TBC1D5: variants seen among roughly 807,000 people sequenced by gnomAD.
TBC1D5 encodes the protein TBC1 domain family, member 5.
A neutral mutation model predicts 100.3 loss-of-function variants in TBC1D5; 75 were observed. The ratio of observed to expected loss-of-function variants is 0.75; its 90% CI spans 0.62 to 0.91. The LOEUF is 0.91. Among genes scored for constraint, TBC1D5 ranks in the 40% least tolerant of loss-of-function variants. The probability of loss-of-function intolerance (pLI) is 0.00; values close to 1 mark genes in which losing one functional copy is unlikely to be tolerated. For synonymous variants in TBC1D5, 323 were observed against 325.6 expected (o/e 0.99, Z 0.09); for missense variants, 910 against 942.4 (o/e 0.97, Z 0.45).
In TBC1D5 at chr3:17,648,747, T is replaced by C. The variant is rs1311268521; in HGVS notation, c.-100-24834A>G. ...GAAAAAAGCTCAGTATCACTGATCATTAGAGAAATGCAGATCAAAACCACA... is the reference window on the plus strand; with the variant it reads ...GAAAAAAGCTCAGTATCACTGATCACTAGAGAAATGCAGATCAAAACCACA... On this transcript the variant is annotated intron_variant, in intron 1 of 21. Coordinates refer to ENST00000253692, the Ensembl canonical transcript of TBC1D5. Among the ~76,000 whole-genome samples, 6 of 152,130 alleles carry C rather than the reference T, an allele frequency of 3.9e-5. No individual in the cohort carries two copies. In the South Asian group the frequency reaches 1.0e-3, roughly 26 times the overall value.
intron 19 of TBC1D5, among the ~76,000 whole-genome samples, chr3:17,178,076 T>G (rs2067997306): frequency 6.7e-6 from 1 of 150,274 alleles, no homozygotes; most frequent in South Asian, 2.1e-4. Context: ...CTTTTTTTTT[T>G]TTTTTTTGAG....
intron 1 of TBC1D5, among the ~76,000 whole-genome samples, chr3:17,729,967 C>A (rs992164122): frequency 6.6e-6 from 1 of 150,812 alleles, no homozygotes; most frequent in African/African-American, 2.4e-5. Context: ...AAAAATTAGT[C>A]GGGCGTGGTG....
At chr3:17,694,337 T>C (rs148438819) in intron 1 of TBC1D5, among the ~76,000 whole-genome samples, 3 of 152,252 alleles carry the variant, frequency 2.0e-5, no homozygotes, top group Non-Finnish European at 4.4e-5. Flanking sequence ...GCAAGGAAGC[T>C]AAAAACCTTG....
intron 1 of TBC1D5, among the ~76,000 whole-genome samples, chr3:17,689,574 A>G (rs1284570662): frequency 2.6e-5 from 4 of 152,030 alleles, no homozygotes; most frequent in African/African-American, 4.8e-5. Context: ...AGGGGAATTC[A>G]TAACAAAATG....
intron 1 of TBC1D5, among the ~76,000 whole-genome samples, chr3:17,669,436 AAAATT>A (rs1213538680): frequency 1.3e-5 from 2 of 152,238 alleles, no homozygotes; most frequent in Admixed American, 1.3e-4. Flanking sequence ...TACAAAATAC[AAAATT>A]AAATCTTCAA....
At chr3:17,279,165 C>A (rs554603963) in intron 15 of TBC1D5, among the ~76,000 whole-genome samples, 111 of 152,302 alleles carry the variant, frequency 7.3e-4, no homozygotes, top group South Asian at 1.9e-3. Context: ...AAACTTGAAG[C>A]ACACATTTTT....
At chr3:17,514,977 A>T (rs73153089) in intron 2 of TBC1D5, among the ~76,000 whole-genome samples, 10,429 of 151,362 alleles carry the variant, frequency 0.069, 707 homozygotes, top group African/African-American at 0.18. Flanking sequence ...TTTTATATAG[A>T]TATTACCTCT....
intron 3 of TBC1D5, among the ~76,000 whole-genome samples, chr3:17,437,622 T>TAGAGAGAGAG (rs58492511): frequency 8.7e-5 from 10 of 115,350 alleles, no homozygotes; most frequent in South Asian, 3.1e-4. Flanking sequence ...GAGACAGAGG[T>TAGAGAGAGAG]AGAGAGAGAG....
chr3:17,370,850 C>T (rs2092414619), intron 13 of TBC1D5, among the ~76,000 whole-genome samples: 1 of 152,048 alleles, frequency 6.6e-6, no homozygotes, highest in South Asian at 2.1e-4. Context: ...ACTAAGTACA[C>T]CTCAATAAAA....
chr3:17,455,450 A>G (rs534406284), intron 3 of TBC1D5, among the ~76,000 whole-genome samples: 41 of 141,364 alleles, frequency 2.9e-4, no homozygotes, highest in South Asian at 4.6e-4. Flanking sequence ...GTATATATAT[A>G]TGTGTGTGTA....
At chr3:17,214,470 T>C in intron 17 of TBC1D5, 100 bp from the exon 19 acceptor site, 1 of 1,235,174 alleles carries the variant, frequency 8.1e-7, no homozygotes, top group Non-Finnish European at 1.1e-6. Flanking sequence ...ATGATGCCAC[T>C]AGGTTGATAC....
chr3:17,292,738 T>C (rs948552583), intron 14 of TBC1D5, among the ~76,000 whole-genome samples: 2 of 152,174 alleles, frequency 1.3e-5, no homozygotes, highest in African/African-American at 4.8e-5. Context: ...GCTGTCAGAG[T>C]CAGGCCCATT....
chr3:17,590,294 T>C (rs1296528109), intron 2 of TBC1D5, among the ~76,000 whole-genome samples: 7 of 152,184 alleles, frequency 4.6e-5, no homozygotes, highest in Admixed American at 2.0e-4. Flanking sequence ...AATTTATTGA[T>C]TTGGGCCCAC....
At chr3:17,379,456 G>GT (rs1470620174) in intron 9 of TBC1D5, among the ~76,000 whole-genome samples, 1 of 151,922 alleles carries the variant, frequency 6.6e-6, no homozygotes, top group African/African-American at 2.4e-5. Flanking sequence ...TCTAGTTTCT[G>GT]TTACACCACT....
intron 2 of TBC1D5, among the ~76,000 whole-genome samples, chr3:17,549,331 C>A (rs2096451343): frequency 6.6e-6 from 1 of 152,082 alleles, no homozygotes; most frequent in African/African-American, 2.4e-5. Context: ...AATAAATTAT[C>A]AATTGGCAAT....
At chr3:17,214,605 G>C (rs923136839) in intron 17 of TBC1D5, among the ~76,000 whole-genome samples, 7 of 148,990 alleles carry the variant, frequency 4.7e-5, no homozygotes, top group Non-Finnish European at 7.4e-5. Context: ...TTTATACTAT[G>C]ATTATCCAAG....
At chr3:17,181,351 C>G (rs775518114) in intron 19 of TBC1D5, among the ~76,000 whole-genome samples, 1 of 152,180 alleles carries the variant, frequency 6.6e-6, no homozygotes, top group Non-Finnish European at 1.5e-5. Flanking sequence ...GGAAGAGTCT[C>G]TCAGATTCTT....
chr3:17,660,859 T>C (rs969017832), intron 1 of TBC1D5, among the ~76,000 whole-genome samples: 2 of 152,184 alleles, frequency 1.3e-5, no homozygotes, highest in Non-Finnish European at 2.9e-5. Flanking sequence ...TATTTTTAAA[T>C]AGTCTCTCAA....
At chr3:17,167,553 T>C (rs2066752050) in intron 20 of TBC1D5, among the ~76,000 whole-genome samples, 196 bp downstream of exon 21, 1 of 152,022 alleles carries the variant, frequency 6.6e-6, no homozygotes, top group Non-Finnish European at 1.5e-5. Context: ...AAAACCAGCG[T>C]GGGTCGCAAG....
Sources: allele counts gnomAD v4.1 joint callset (sites outside exome capture counted in the v4.1 genomes callset), GRCh38; gene constraint gnomAD v4.1.1; transcripts MANE v1.5; gene names NCBI Gene and HGNC (gene_info 2026-07-23, HGNC 2026-07-21).